NRXN3: variants seen among roughly 807,000 people sequenced by gnomAD.
NRXN3 encodes neurexin III.
Under a neutral mutation model 137.6 loss-of-function variants are expected in NRXN3, and 32 were observed. The ratio of observed to expected loss-of-function variants is 0.23; its 90% CI spans 0.18 to 0.31. NRXN3 has a LOEUF of 0.31. NRXN3 is among the 10% of genes least tolerant of loss of function. NRXN3 has a pLI of 1.00. For synonymous variants in NRXN3, 798 were observed against 784.5 expected (o/e 1.02, Z -0.29); for missense variants, 1,574 against 2,062.5 (o/e 0.76, Z 4.59).
At chr14:78,405,938 A>G (rs1439356649) in intron 4 of NRXN3, among the ~76,000 whole-genome samples, 1 of 152,182 alleles carries the variant, frequency 6.6e-6, no homozygotes, top group East Asian at 1.9e-4. Context: ...ATGGGAAAAT[A>G]ATTTTATCCT....
chr14:79,298,802 A>C (rs2084640668), intron 15 of NRXN3: 2 of 152,228 alleles, frequency 1.3e-5, no homozygotes, highest in African/African-American at 4.8e-5. Context: ...AAGAAATGGC[A>C]GGGGGATTTC....
At chr14:79,259,446 T>C (rs906497679) in intron 15 of NRXN3, among the ~76,000 whole-genome samples, 2 of 152,050 alleles carry the variant, frequency 1.3e-5, no homozygotes, top group African/African-American at 4.8e-5. Flanking sequence ...CTAGTGTTTT[T>C]CTAAAACCCT....
At chr14:79,487,722 G>A (rs113518705) in intron 16 of NRXN3, among the ~76,000 whole-genome samples, 2 of 151,982 alleles carry the variant, frequency 1.3e-5, no homozygotes, top group Non-Finnish European at 1.5e-5. Context: ...TACAACCTTA[G>A]TAGCTTCTGC....
At chr14:78,478,795 T>C (rs1160785614) in intron 4 of NRXN3, among the ~76,000 whole-genome samples, 3 of 152,192 alleles carry the variant, frequency 2.0e-5, no homozygotes, top group Admixed American at 6.5e-5. Flanking sequence ...ACATTATGTG[T>C]GTTTCTGATC....
At chr14:79,618,988 G>C (rs2098192318) in intron 16 of NRXN3, among the ~76,000 whole-genome samples, 1 of 151,796 alleles carries the variant, frequency 6.6e-6, no homozygotes, top group Non-Finnish European at 1.5e-5. Flanking sequence ...GTAATTGTTG[G>C]CTGCATGTAT....
At chr14:78,806,061 T>TG (rs200511209) in intron 9 of NRXN3, among the ~76,000 whole-genome samples, 1 of 102,588 alleles carries the variant, frequency 9.7e-6, no homozygotes, top group Middle Eastern at 4.5e-3. Flanking sequence ...TTTTTTTTTT[T>TG]TCCCCTTTGG....
In NRXN3 at chr14:78,688,570, G is replaced by C. The variant is rs572402073; in HGVS notation, c.1222-20647G>C. On this transcript the variant is annotated intron_variant, in intron 6 of 20. Coordinates refer to ENST00000335750, the MANE Select transcript of NRXN3 (RefSeq NM_001330195.2). ...CATAGACAACTTTTGGAAGAGTTTT[G>C]CTGTAATCATAGCAGTAAAGTGGGG... Among the ~76,000 whole-genome samples the C allele has an allele frequency of 2.0e-5, 3 of 152,224 alleles. No homozygotes were observed. In the East Asian group the frequency reaches 5.8e-4, roughly 29 times the overall value.
At chr14:79,745,940 C>T (rs1212892811) in intron 19 of NRXN3, among the ~76,000 whole-genome samples, 1 of 152,090 alleles carries the variant, frequency 6.6e-6, no homozygotes, top group Non-Finnish European at 1.5e-5. Flanking sequence ...GTTATATTGG[C>T]TTAGGGTCTC....
At chr14:78,948,257 G>A (rs1463682324) in intron 10 of NRXN3, among the ~76,000 whole-genome samples, 1 of 152,238 alleles carries the variant, frequency 6.6e-6, no homozygotes, top group Non-Finnish European at 1.5e-5. Flanking sequence ...GTGTTGCCAT[G>A]AATGCCTCCC....
intron 4 of NRXN3, among the ~76,000 whole-genome samples, chr14:78,467,793 A>G (rs1409094880): frequency 2.6e-5 from 4 of 152,176 alleles, no homozygotes; most frequent in Non-Finnish European, 4.4e-5. Flanking sequence ...ATCAGTATGA[A>G]AATTTAGATC....
At chr14:78,737,245 G>A (rs192482698) in intron 8 of NRXN3, among the ~76,000 whole-genome samples, 21 of 152,242 alleles carry the variant, frequency 1.4e-4, no homozygotes, top group East Asian at 5.8e-4. Context: ...TCCTCTGCTC[G>A]GGCTGTGCCC....
intron 19 of NRXN3, among the ~76,000 whole-genome samples, chr14:79,800,971 C>G (rs563751272): frequency 1.3e-5 from 2 of 152,168 alleles, no homozygotes; most frequent in African/African-American, 4.8e-5. Context: ...TAATTCTAAG[C>G]CTTTTTGCAA....
chr14:78,650,624 T>A (rs1013788127), intron 5 of NRXN3, among the ~76,000 whole-genome samples: 8 of 151,818 alleles, frequency 5.3e-5, no homozygotes, highest in African/African-American at 1.9e-4. Flanking sequence ...CCTCCCTGAA[T>A]GCATGTTTGT....
chr14:78,676,660 A>G (rs2098010678), intron 6 of NRXN3, among the ~76,000 whole-genome samples: 1 of 152,172 alleles, frequency 6.6e-6, no homozygotes, highest in Admixed American at 6.5e-5. Context: ...TGGCTACACT[A>G]ACCAACATAT....
chr14:79,799,460 G>A (rs2099170346), intron 19 of NRXN3, among the ~76,000 whole-genome samples: 1 of 152,158 alleles, frequency 6.6e-6, no homozygotes, highest in Admixed American at 6.5e-5. Flanking sequence ...GATGCAGGGA[G>A]TGGAGAAAGG....
At chr14:79,138,607 G>A (rs894236521) in intron 15 of NRXN3, among the ~76,000 whole-genome samples, 5 of 152,190 alleles carry the variant, frequency 3.3e-5, no homozygotes, top group African/African-American at 1.2e-4. Flanking sequence ...ATAGTACCAA[G>A]GCCTGACCAA....
chr14:79,763,339 A>G (rs1487265855), intron 19 of NRXN3, among the ~76,000 whole-genome samples: 1 of 92,338 alleles, frequency 1.1e-5, no homozygotes, highest in Non-Finnish European at 2.5e-5. Context: ...ATACATGTGC[A>G]TGTGTCTTTA....
chr14:78,577,335 A>C (rs1010319143), intron 4 of NRXN3, among the ~76,000 whole-genome samples: 1 of 152,224 alleles, frequency 6.6e-6, no homozygotes, highest in Non-Finnish European at 1.5e-5. Flanking sequence ...TTTTTATACA[A>C]TATTATTCCA....
At chr14:78,622,173 G>A (rs868849840) in intron 4 of NRXN3, among the ~76,000 whole-genome samples, 1 of 152,096 alleles carries the variant, frequency 6.6e-6, no homozygotes, top group Non-Finnish European at 1.5e-5. Flanking sequence ...TTGTCCCCCT[G>A]CTCCCCACCC....
Sources: allele counts gnomAD v4.1 joint callset (sites outside exome capture counted in the v4.1 genomes callset), GRCh38; gene constraint gnomAD v4.1.1; transcripts MANE v1.5; gene names NCBI Gene and HGNC (gene_info 2026-07-23, HGNC 2026-07-21).